Variants in UNC5C observed in about 807,000 individuals in gnomAD.
UNC5C encodes the protein unc-5 netrin receptor C.
A neutral mutation model predicts 99.8 loss-of-function variants in UNC5C; 47 were observed. The observed-to-expected ratio is 0.47, with a 90% confidence interval of 0.37 to 0.60. UNC5C has a LOEUF of 0.60. Among genes scored for constraint, UNC5C ranks in the 20% least tolerant of loss-of-function variants. The pLI is 0.00. For missense variants in UNC5C, 1,062 were observed against 1,165.9 expected, an observed-to-expected ratio of 0.91 and a Z score of 1.30; for synonymous variants, 487 against 452.2, an observed-to-expected ratio of 1.08 and a Z score of -0.98.
At position 95,202,950 on chromosome 4, in the gene UNC5C, GACC is replaced by G. The variant is rs1560730595; in HGVS notation, c.1914_1916del (p.Val639del). On this transcript the variant is annotated inframe_deletion, in exon 12 of 16. Transcript: ENST00000453304. The stretch of plus-strand genomic sequence containing the variant: ...AGGGGGTGGTGAAGTTTTCCTCCCC[GACC>G]ACCACCACATCCTGGGGGACAAGAG... 3 of 1,613,890 alleles carry G rather than the reference GACC, an allele frequency of 1.9e-6. 1 individual carries two copies. Among genetic ancestry groups the G allele is most frequent in the Admixed American group, 3.3e-5 (2 of 60,004 alleles).
intron 1 of UNC5C, among the ~76,000 whole-genome samples, chr4:95,375,942 A>G (rs1744882283): frequency 6.6e-6 from 1 of 151,978 alleles, no homozygotes; most frequent in Admixed American, 6.6e-5. Flanking sequence ...AGTCCCAGCT[A>G]CTCAGGAGGC....
intron 3 of UNC5C, among the ~76,000 whole-genome samples, chr4:95,282,443 A>C (rs28521922): frequency 0.67 from 102,556 of 151,954 alleles, 35,644 homozygotes; most frequent in African/African-American, 0.85. Flanking sequence ...AGTTCTCCTT[A>C]GCCCTCTGAA....
chr4:95,485,154 G>A (rs2149479405), intron 1 of UNC5C, among the ~76,000 whole-genome samples: 1 of 151,726 alleles, frequency 6.6e-6, no homozygotes, highest in Admixed American at 6.6e-5. Context: ...GTGGAAATTG[G>A]TATCATATTC....
intron 12 of UNC5C, among the ~76,000 whole-genome samples, chr4:95,186,223 C>T (rs1426470792): frequency 6.6e-6 from 1 of 151,964 alleles, no homozygotes; most frequent in Admixed American, 6.6e-5. Flanking sequence ...AAATAAGGGT[C>T]CAGGAATATA....
chr4:95,171,355 G>A (rs1215739852), intron 14 of UNC5C, among the ~76,000 whole-genome samples: 1 of 150,730 alleles, frequency 6.6e-6, no homozygotes, highest in Non-Finnish European at 1.5e-5. Flanking sequence ...CTAGCATTAG[G>A]TATATCTCCC....
rs528998422 is a variant in UNC5C at position 95,494,494 on chromosome 4, C to A, written c.124+54240G>T. On this transcript the variant is annotated intron_variant, in intron 1 of 15. Coordinates refer to ENST00000453304, the MANE Select transcript of UNC5C (RefSeq NM_003728.4). ...TGTCCTCCCCACCCCTTAAGTATAG[C>A]CAACAGAATTCAATGCTTTTATAGA... Among the ~76,000 whole-genome samples the A allele has an allele frequency of 2.6e-5, 4 of 151,450 alleles. 1 individual carries two copies. In the South Asian group the frequency reaches 8.3e-4, roughly 31 times the overall value.
At chr4:95,210,135 C>A (rs1738027344) in intron 10 of UNC5C, among the ~76,000 whole-genome samples, 1 of 152,090 alleles carries the variant, frequency 6.6e-6, no homozygotes, top group Middle Eastern at 3.4e-3. Context: ...TCCAAGTACA[C>A]CCCTGGCATG....
At chr4:95,212,246 G>C (rs1490863824) in intron 10 of UNC5C, among the ~76,000 whole-genome samples, 1 of 151,614 alleles carries the variant, frequency 6.6e-6, no homozygotes, top group Non-Finnish European at 1.5e-5. Flanking sequence ...AAAAAGTTCT[G>C]AACACCACTA....
intron 2 of UNC5C, among the ~76,000 whole-genome samples, chr4:95,310,580 G>T (rs767839091): frequency 6.6e-6 from 1 of 152,042 alleles, no homozygotes; most frequent in Non-Finnish European, 1.5e-5. Flanking sequence ...AATGTAGAAG[G>T]CTAAATTTAT....
At chr4:95,379,087 G>A (rs2149441179) in intron 1 of UNC5C, among the ~76,000 whole-genome samples, 1 of 152,222 alleles carries the variant, frequency 6.6e-6, no homozygotes, top group African/African-American at 2.4e-5. Flanking sequence ...TATTGGTGCA[G>A]GGGAGGAAGG....
intron 1 of UNC5C, among the ~76,000 whole-genome samples, chr4:95,414,840 G>A (rs1240162824): frequency 6.6e-6 from 1 of 152,116 alleles, no homozygotes; most frequent in Non-Finnish European, 1.5e-5. Context: ...CTTCAAGGAG[G>A]TTATACAGTG....
chr4:95,422,907 G>T (rs1306353380), intron 1 of UNC5C, among the ~76,000 whole-genome samples: 1 of 152,164 alleles, frequency 6.6e-6, no homozygotes. Flanking sequence ...CTATGAGGAA[G>T]GTCGCTGGGA....
chr4:95,216,159 T>G lies in UNC5C; in HGVS notation c.1698A>C (p.Glu566Asp). The G allele has an allele frequency of 6.2e-7, 1 of 1,613,864 alleles. No individual in the cohort carries two copies. The highest frequency in any genetic ancestry group is 2.2e-5 in the East Asian group (1 of 44,864). ...AGAIPQGRVY[E>D]MYVTVHRKET... is the part of the protein sequence containing the mutation. ...CTTTCCTGTGTACAGTCACATACAT[T>G]TCGTAGACTCTCCCTTGGGGAATGG... The change falls in exon 10 of 16, where the codon GAA becomes GAC. Residue 566 changes from glutamate (E) to aspartate (D), a missense_variant. Transcript: ENST00000453304.
At chr4:95,322,821 C>G (rs952263296) in intron 2 of UNC5C, among the ~76,000 whole-genome samples, 3 of 151,596 alleles carry the variant, frequency 2.0e-5, no homozygotes, top group East Asian at 3.9e-4. Flanking sequence ...ATCTGTAGTC[C>G]CAGCTACTTT....
chr4:95,354,468 C>CATATATATACATATAT (rs1288926198), intron 1 of UNC5C, among the ~76,000 whole-genome samples: 2 of 98,218 alleles, frequency 2.0e-5, no homozygotes, highest in Admixed American at 2.0e-4. Flanking sequence ...CTAACTCTTC[C>CATATATATACATATAT]ATATATATAT....
intron 14 of UNC5C, among the ~76,000 whole-genome samples, chr4:95,179,755 A>AG (rs1736530132): frequency 6.6e-6 from 1 of 151,438 alleles, no homozygotes; most frequent in African/African-American, 2.4e-5. Flanking sequence ...TCAAAAAAAA[A>AG]AAAAAAAAAA....
chr4:95,267,888 T>C (rs1200121210), intron 4 of UNC5C, among the ~76,000 whole-genome samples: 1 of 151,916 alleles, frequency 6.6e-6, no homozygotes, highest in African/African-American at 2.4e-5. Flanking sequence ...CAAATTATAA[T>C]CTGATTCTGA....
intron 10 of UNC5C, among the ~76,000 whole-genome samples, chr4:95,210,044 G>A (rs922397674): frequency 4.6e-5 from 7 of 152,142 alleles, no homozygotes; most frequent in Non-Finnish European, 1.0e-4. Flanking sequence ...GCAGGAAGGA[G>A]GAGGGGTCCT....
chr4:95,366,738 T>A (rs1478802355), intron 1 of UNC5C, among the ~76,000 whole-genome samples: 2 of 152,156 alleles, frequency 1.3e-5, no homozygotes, highest in Non-Finnish European at 2.9e-5. Flanking sequence ...AAACCTAACT[T>A]TGGTTTTGTT....
Sources: allele counts gnomAD v4.1 joint callset (sites outside exome capture counted in the v4.1 genomes callset), GRCh38; gene constraint gnomAD v4.1.1; transcripts MANE v1.5; gene names NCBI Gene and HGNC (gene_info 2026-07-23, HGNC 2026-07-21).